GALNT13: variants seen among roughly 807,000 people sequenced by gnomAD.
The protein encoded by GALNT13 is UDP-GalNAc:polypeptide N-acetylgalactosaminyltransferase 13.
A neutral mutation model predicts 64.2 loss-of-function variants in GALNT13; 28 were observed. The ratio of observed to expected loss-of-function variants is 0.44; its 90% CI spans 0.32 to 0.60. GALNT13 has a LOEUF of 0.60. Ranked by LOEUF, GALNT13 falls within the 20% of genes least tolerant of loss-of-function variation. The pLI is 0.05. For missense variants in GALNT13, 577 were observed against 669.8 expected (o/e 0.86, Z 1.53); for synonymous variants, 214 against 224.6 (o/e 0.95, Z 0.42).
the GALNT13 span, among the ~76,000 whole-genome samples, chr2:153,754,830 A>G: frequency 6.6e-6 from 1 of 152,122 alleles, no homozygotes; most frequent in Non-Finnish European, 1.5e-5. Flanking sequence ...TTAGCCCACA[A>G]TGGCAAGGCT....
At chr2:153,324,224 G>A in the GALNT13 span, among the ~76,000 whole-genome samples, 1 of 152,060 alleles carries the variant, frequency 6.6e-6, no homozygotes, top group Non-Finnish European at 1.5e-5. Context: ...CTTGTAAGTT[G>A]TATTCCTAGG....
chr2:154,409,564 G>T (rs968663568), intron 11 of GALNT13, among the ~76,000 whole-genome samples: 1 of 151,972 alleles, frequency 6.6e-6, no homozygotes, highest in Admixed American at 6.6e-5. Flanking sequence ...AGCCTTTCTT[G>T]TGTGTGACAA....
intron 3 of GALNT13, among the ~76,000 whole-genome samples, chr2:154,034,797 A>T (rs1252400724): frequency 6.6e-6 from 1 of 152,188 alleles, no homozygotes; most frequent in East Asian, 1.9e-4. Flanking sequence ...GCTGAATAGT[A>T]GTCCATTGAA....
chr2:154,427,467 C>G (rs144141064), intron 11 of GALNT13, among the ~76,000 whole-genome samples: 2,212 of 152,208 alleles, frequency 0.015, 37 homozygotes, highest in Non-Finnish European at 0.022. Flanking sequence ...GAAGGATAGT[C>G]CTAGTGATGT....
chr2:154,332,297 C>A (rs969773631), intron 9 of GALNT13, among the ~76,000 whole-genome samples: 3 of 152,002 alleles, frequency 2.0e-5, no homozygotes, highest in African/African-American at 7.2e-5. Context: ...AAATGCTGAC[C>A]TTGAGGCCAG....
intron 3 of GALNT13, among the ~76,000 whole-genome samples, chr2:154,022,508 G>A (rs367841089): frequency 2.6e-5 from 4 of 152,084 alleles, no homozygotes; most frequent in African/African-American, 7.2e-5. Context: ...ATTCTCTGAC[G>A]GTAGTTTGTA....
the GALNT13 span, among the ~76,000 whole-genome samples, chr2:153,796,997 C>G: frequency 6.6e-6 from 1 of 152,116 alleles, no homozygotes; most frequent in Non-Finnish European, 1.5e-5. Flanking sequence ...TCACTTTAGT[C>G]ACGTTTTTTG....
At chr2:154,433,291 G>T (rs555597290) in intron 11 of GALNT13, among the ~76,000 whole-genome samples, 5 of 152,000 alleles carry the variant, frequency 3.3e-5, no homozygotes, top group African/African-American at 1.2e-4. Flanking sequence ...CACAAAAAGT[G>T]GCTCACTTAT....
intron 4 of GALNT13, among the ~76,000 whole-genome samples, chr2:154,223,387 T>A (rs564733264): frequency 1.3e-3 from 191 of 152,098 alleles, no homozygotes; most frequent in Non-Finnish European, 1.3e-3. Flanking sequence ...CACTATGTTA[T>A]TGTAGATGGA....
chr2:153,902,085 C>G (rs1574076750), intron 2 of GALNT13, among the ~76,000 whole-genome samples: 2 of 152,262 alleles, frequency 1.3e-5, no homozygotes, highest in East Asian at 3.9e-4. Context: ...TCTTCAAATT[C>G]TTTCACGTTA....
chr2:153,098,933 A>T, the GALNT13 span, among the ~76,000 whole-genome samples: 2 of 152,202 alleles, frequency 1.3e-5, no homozygotes, highest in Non-Finnish European at 2.9e-5. Flanking sequence ...AGACTTGGAA[A>T]GCATCTCTTT....
chr2:153,548,642 T>A, the GALNT13 span, among the ~76,000 whole-genome samples: 1 of 152,158 alleles, frequency 6.6e-6, no homozygotes, highest in African/African-American at 2.4e-5. Flanking sequence ...ACCAGAAACA[T>A]ATACCAAAAT....
the GALNT13 span, among the ~76,000 whole-genome samples, chr2:153,519,170 T>A: frequency 6.6e-6 from 1 of 152,184 alleles, no homozygotes. Flanking sequence ...CAAACAGGAT[T>A]CTGTTGATAA....
chr2:153,299,871 G>A, the GALNT13 span, among the ~76,000 whole-genome samples: 1 of 152,160 alleles, frequency 6.6e-6, no homozygotes, highest in African/African-American at 2.4e-5. Flanking sequence ...TCTGCCCATT[G>A]GTAGTCTTTT....
At chr2:153,620,660 C>T in the GALNT13 span, among the ~76,000 whole-genome samples, 1 of 151,820 alleles carries the variant, frequency 6.6e-6, no homozygotes, top group Non-Finnish European at 1.5e-5. Context: ...GAATTGAATT[C>T]TATGTATGTT....
intron 9 of GALNT13, among the ~76,000 whole-genome samples, chr2:154,343,932 G>T (rs1695915937): frequency 6.6e-6 from 1 of 151,994 alleles, no homozygotes; most frequent in Admixed American, 6.6e-5. Context: ...GAGGATATGT[G>T]ATTCTGTCAC....
At chr2:154,267,611 G>A (rs1024845634) in intron 8 of GALNT13, among the ~76,000 whole-genome samples, 5 of 152,214 alleles carry the variant, frequency 3.3e-5, no homozygotes, top group Admixed American at 6.5e-5. Flanking sequence ...CTGCACTCCA[G>A]CCTGAGCAAC....
At chr2:154,429,683 A>G (rs535141093) in intron 11 of GALNT13, among the ~76,000 whole-genome samples, 44 of 152,376 alleles carry the variant, frequency 2.9e-4, no homozygotes, top group African/African-American at 9.6e-4. Flanking sequence ...TAGATAAAAC[A>G]GCACCCAATT....
At chr2:154,278,400 C>G (rs1322445444) in intron 8 of GALNT13, among the ~76,000 whole-genome samples, 1 of 151,992 alleles carries the variant, frequency 6.6e-6, no homozygotes, top group Non-Finnish European at 1.5e-5. Flanking sequence ...GCTCTTGATT[C>G]TATAAAGTTA....
Sources: allele counts gnomAD v4.1 joint callset (sites outside exome capture counted in the v4.1 genomes callset), GRCh38; gene constraint gnomAD v4.1.1; transcripts MANE v1.5; gene names NCBI Gene and HGNC (gene_info 2026-07-23, HGNC 2026-07-21).